The following ZFHX3 variants were observed in gnomAD, a reference collection of about 807,000 sequenced individuals.
ZFHX3 encodes the protein zinc finger homeobox protein 3.
ZFHX3 carries 42 observed loss-of-function variants against 279.1 expected under a neutral mutation model. The observed-to-expected ratio is 0.15, with a 90% CI of 0.12 to 0.19. The LOEUF is 0.19. Among genes scored for constraint, ZFHX3 ranks in the 10% least tolerant of loss-of-function variants. The probability of loss-of-function intolerance (pLI) is 1.00; values close to 1 mark genes in which losing one functional copy is unlikely to be tolerated. For missense variants in ZFHX3, 4,981 were observed against 4,754.0 expected (o/e 1.05, Z -1.40); for synonymous variants, 2,293 against 1,957.8 (o/e 1.17, Z -4.52).
chr16:72,885,044 C>T (rs1173035970), intron 4 of ZFHX3, among the ~76,000 whole-genome samples: 1 of 152,258 alleles, frequency 6.6e-6, no homozygotes, highest in Non-Finnish European at 1.5e-5. Flanking sequence ...TGGTTAGTTA[C>T]TGTCTTTGAG....
chr16:73,860,450 G>T (rs1367547938), intron 1 of ZFHX3, among the ~76,000 whole-genome samples: 2 of 148,182 alleles, frequency 1.3e-5, no homozygotes, highest in African/African-American at 5.0e-5. Context: ...TAAAGCACTT[G>T]AGTTCTAAGA....
chr16:73,288,337 G>A (rs1027387549), intron 4 of ZFHX3, among the ~76,000 whole-genome samples: 2 of 152,098 alleles, frequency 1.3e-5, no homozygotes, highest in African/African-American at 4.8e-5. Flanking sequence ...CCCTCCATGT[G>A]GTTCTGTTTC....
intron 1 of ZFHX3, among the ~76,000 whole-genome samples, chr16:73,037,536 A>G (rs1964954938): frequency 6.6e-6 from 1 of 152,200 alleles, no homozygotes; most frequent in Admixed American, 6.5e-5. Context: ...CAGAGATGAA[A>G]GAAACCTGGG....
intron 1 of ZFHX3, among the ~76,000 whole-genome samples, chr16:73,792,598 TA>T (rs1375523886): frequency 6.6e-6 from 1 of 152,180 alleles, no homozygotes; most frequent in Non-Finnish European, 1.5e-5. Context: ...CTACCTAGGA[TA>T]AAACAGTAGC....
chr16:73,711,795 C>A (rs568228258), intron 1 of ZFHX3, among the ~76,000 whole-genome samples: 80 of 152,364 alleles, frequency 5.3e-4, no homozygotes, highest in Admixed American at 1.2e-3. Context: ...CTCAGCTGGG[C>A]TGTTTTCCTG....
intron 3 of ZFHX3, among the ~76,000 whole-genome samples, chr16:73,391,647 A>G (rs1382494836): frequency 1.3e-5 from 2 of 152,174 alleles, no homozygotes; most frequent in Non-Finnish European, 2.9e-5. Flanking sequence ...TGCAGAACAC[A>G]GACTCTAACA....
At chr16:73,336,834 C>A (rs1053546010) in intron 3 of ZFHX3, among the ~76,000 whole-genome samples, 1 of 152,082 alleles carries the variant, frequency 6.6e-6, no homozygotes, top group Admixed American at 6.6e-5. Flanking sequence ...GGTCATCAAC[C>A]CTTAGCCAAG....
chr16:73,715,772 C>T (rs1409212819), intron 1 of ZFHX3, among the ~76,000 whole-genome samples: 2 of 151,772 alleles, frequency 1.3e-5, no homozygotes, highest in African/African-American at 4.8e-5. Context: ...CGGGGTTTCA[C>T]CATCTTGGCC....
intron 8 of ZFHX3, among the ~76,000 whole-genome samples, chr16:73,077,492 T>C (rs1049931086): frequency 1.3e-5 from 2 of 152,030 alleles, no homozygotes; most frequent in Non-Finnish European, 2.9e-5. Context: ...GACTCTCCCG[T>C]GATTTTAGCC....
intron 6 of ZFHX3, among the ~76,000 whole-genome samples, chr16:73,143,115 C>A (rs1022553632): frequency 2.0e-5 from 3 of 151,814 alleles, no homozygotes; most frequent in Admixed American, 6.6e-5. Context: ...AATAAGCCAA[C>A]CTTGTTTCCC....
rs373749714 is a variant in ZFHX3 at position 73,223,278 on chromosome 16, C to T, written c.-1104+33769G>A. ...CCAAAGACATAGTCAAGAGAATTAA[C>T]AGACAAGCCACAGACTAGGAGAAAA... On this transcript the variant is annotated intron_variant, in intron 5 of 17. Coordinates refer to the ZFHX3 transcript ENST00000641206. Among the ~76,000 whole-genome samples, 171 of 152,194 alleles carry T rather than the reference C, an allele frequency of 1.1e-3. 2 individuals are homozygous for T. Among genetic ancestry groups the T allele is most frequent in the African/African-American group, 3.2e-3 (133 of 41,548 alleles).
rs746476181 is a variant in ZFHX3 at position 72,991,677 on chromosome 16, CCGTATT to C, written c.-49-31489_-49-31484del. 6.2e-4 allele frequency among the ~76,000 whole-genome samples: 94 copies of C among 152,330 alleles called. No homozygotes were observed. The Middle Eastern group carries it at 0.01, about 17-fold the overall frequency. ...CATTTGCATAGCAATCCAACAAAGG[CCGTATT>C]CTCACTTTTGAGGCTCAGAGAAGCA... On this transcript the variant is annotated intron_variant, in intron 1 of 9. Coordinates refer to ENST00000268489, the MANE Select transcript of ZFHX3 (RefSeq NM_006885.4).
chr16:73,262,848 G>A (rs2013862861), intron 4 of ZFHX3, among the ~76,000 whole-genome samples: 1 of 152,124 alleles, frequency 6.6e-6, no homozygotes, highest in South Asian at 2.1e-4. Context: ...GTTAGTCTGT[G>A]GGAGGATGAG....
intron 1 of ZFHX3, among the ~76,000 whole-genome samples, chr16:73,856,429 A>G (rs763341739): frequency 2.0e-5 from 3 of 151,958 alleles, no homozygotes; most frequent in Non-Finnish European, 4.4e-5. Flanking sequence ...CCCAACCCCC[A>G]CCCCTTGGCA....
intron 1 of ZFHX3, among the ~76,000 whole-genome samples, chr16:73,852,965 AAAACAAAC>A (rs60093693): frequency 4.0e-4 from 61 of 151,338 alleles, no homozygotes; most frequent in Middle Eastern, 3.4e-3. Flanking sequence ...CTCAACAAGT[AAAACAAAC>A]AAACAAACAA....
At chr16:73,044,375 G>T (rs1273474276) in intron 1 of ZFHX3, among the ~76,000 whole-genome samples, 1 of 152,186 alleles carries the variant, frequency 6.6e-6, no homozygotes, top group Non-Finnish European at 1.5e-5. Context: ...CACAGAAATA[G>T]GCCAGGCTAA....
rs530679555 is a variant in ZFHX3 at position 73,130,309 on chromosome 16, C to T, written c.-897+659G>A. On this transcript the variant is annotated intron_variant, in intron 7 of 17. Coordinates refer to the ZFHX3 transcript ENST00000641206. ...GTTTGGAAAGAGAGCTGTACTCCGA[C>T]AGTCTCAAGAGATGGCTCTGCGTTC... is the stretch of plus-strand genomic sequence containing the variant. Among the ~76,000 whole-genome samples the T allele has an allele frequency of 1.1e-4, 17 of 152,110 alleles. No individual in the cohort carries two copies. The East Asian group carries it at 3.1e-3, about 28-fold the overall frequency.
At chr16:73,746,695 C>T (rs993315688) in intron 1 of ZFHX3, among the ~76,000 whole-genome samples, 1 of 152,090 alleles carries the variant, frequency 6.6e-6, no homozygotes, top group African/African-American at 2.4e-5. Flanking sequence ...TTTGGGCTTC[C>T]CCAACATCAA....
chr16:72,900,234 C>T (rs892505851), intron 3 of ZFHX3, among the ~76,000 whole-genome samples: 3 of 151,886 alleles, frequency 2.0e-5, no homozygotes, highest in Non-Finnish European at 4.4e-5. Context: ...TTTCTCATGT[C>T]TGCCAATATC....
Sources: gnomAD v4.1 joint callset for allele counts (sites outside exome capture counted in the v4.1 genomes callset) on GRCh38, gnomAD v4.1.1 for gene constraint, MANE v1.5 for transcripts, NCBI Gene and HGNC (gene_info 2026-07-23, HGNC 2026-07-21) for gene names.